SDC2: variants seen among roughly 807,000 people sequenced by gnomAD.
The protein encoded by SDC2 is syndecan-2.
In SDC2, 13 loss-of-function variants were observed where a neutral mutation model predicts 22.2. The observed-to-expected ratio is 0.59, with a 90% CI of 0.38 to 0.93. The LOEUF is 0.93. Among genes scored for constraint, SDC2 ranks in the 40% least tolerant of loss-of-function variants. The pLI, the probability that SDC2 is intolerant of heterozygous loss-of-function variation, is 0.00. For synonymous variants in SDC2, 94 were observed against 92.8 expected (o/e 1.01, Z -0.07); for missense variants, 235 against 246.8 (o/e 0.95, Z 0.32).
intron 1 of SDC2, among the ~76,000 whole-genome samples, chr8:96,564,231 C>T (rs918475815): frequency 6.6e-6 from 1 of 152,138 alleles, no homozygotes; most frequent in African/African-American, 2.4e-5. Flanking sequence ...AATTGTCAAC[C>T]ACCTGTATCA....
chr8:96,564,076 A>ATAG (rs1394103304), intron 1 of SDC2, among the ~76,000 whole-genome samples: 1 of 152,108 alleles, frequency 6.6e-6, no homozygotes, highest in Non-Finnish European at 1.5e-5. Context: ...AGGCCTAGGC[A>ATAG]TTGTCTTGCA....
chr8:96,603,006 C>G (rs939388517), intron 3 of SDC2, among the ~76,000 whole-genome samples: 5 of 152,124 alleles, frequency 3.3e-5, no homozygotes, highest in Non-Finnish European at 7.3e-5. Flanking sequence ...TGACCTCTCT[C>G]GATGATGATG....
intron 1 of SDC2, among the ~76,000 whole-genome samples, chr8:96,545,722 G>A (rs1470509401): frequency 1.3e-5 from 2 of 152,056 alleles, no homozygotes; most frequent in Non-Finnish European, 2.9e-5. Flanking sequence ...CCCTGAAATT[G>A]CTTGTTTGGG....
At chr8:96,574,654 G>T (rs1413820520) in intron 1 of SDC2, among the ~76,000 whole-genome samples, 1 of 152,176 alleles carries the variant, frequency 6.6e-6, no homozygotes, top group African/African-American at 2.4e-5. Flanking sequence ...AATTACACCT[G>T]TTCACAGTCA....
intron 1 of SDC2, among the ~76,000 whole-genome samples, chr8:96,583,746 A>G (rs1363907419): frequency 6.6e-6 from 1 of 151,472 alleles, no homozygotes; most frequent in Non-Finnish European, 1.5e-5. Context: ...ATTGCAATAT[A>G]GTTGTAATAT....
intron 3 of SDC2, among the ~76,000 whole-genome samples, chr8:96,605,569 G>A (rs1166967402): frequency 1.3e-5 from 2 of 152,322 alleles, no homozygotes; most frequent in East Asian, 3.9e-4. Flanking sequence ...TTCTCTCATA[G>A]TAATAGAAAG....
At chr8:96,583,059 ATTTTT>A (rs60193555) in intron 1 of SDC2, among the ~76,000 whole-genome samples, 3 of 107,240 alleles carry the variant, frequency 2.8e-5, no homozygotes, top group South Asian at 3.1e-4. Context: ...CTGAAGTGTG[ATTTTT>A]TTTTTTTTTT....
chr8:96,537,258 G>A (rs2130501966), intron 1 of SDC2: 1 of 152,218 alleles, frequency 6.6e-6, no homozygotes, highest in South Asian at 2.1e-4. Context: ...AATGAAAGAT[G>A]GCTAGTGGTT....
At chr8:96,570,146 A>C (rs1216070599) in intron 1 of SDC2, among the ~76,000 whole-genome samples, 1 of 152,206 alleles carries the variant, frequency 6.6e-6, no homozygotes, top group Non-Finnish European at 1.5e-5. Flanking sequence ...TTTATAGATG[A>C]TGAGCCTGAG....
chr8:96,542,854 G>C (rs537222004), intron 1 of SDC2, among the ~76,000 whole-genome samples: 60 of 152,234 alleles, frequency 3.9e-4, no homozygotes, highest in African/African-American at 1.3e-3. Context: ...ATACCTATTT[G>C]CCTGGATTAA....
intron 2 of SDC2, among the ~76,000 whole-genome samples, chr8:96,598,332 G>T (rs1814916177): frequency 6.6e-6 from 1 of 152,150 alleles, no homozygotes; most frequent in Non-Finnish European, 1.5e-5. Flanking sequence ...TTTTAAAAAA[G>T]AAAATAAGGC....
At chr8:96,507,727 A>C (rs1345648693) in intron 1 of SDC2, among the ~76,000 whole-genome samples, 1 of 152,226 alleles carries the variant, frequency 6.6e-6, no homozygotes, top group Non-Finnish European at 1.5e-5. Flanking sequence ...GAAAACGAAC[A>C]TTCCTTGGAT....
chr8:96,504,156 T>A (rs1252700723), intron 1 of SDC2, among the ~76,000 whole-genome samples: 2 of 152,180 alleles, frequency 1.3e-5, no homozygotes, highest in Non-Finnish European at 2.9e-5. Context: ...GGTTCCCAAA[T>A]TCTGGTTAAC....
intron 1 of SDC2, among the ~76,000 whole-genome samples, chr8:96,553,571 T>C (rs1469155372): frequency 6.6e-6 from 1 of 152,066 alleles, no homozygotes; most frequent in African/African-American, 2.4e-5. Flanking sequence ...CAACACTAGT[T>C]TGAGAGCCAT....
At chr8:96,540,340 G>GTATATATATATATATATA (rs1554601718) in intron 1 of SDC2, among the ~76,000 whole-genome samples, 5,273 of 123,390 alleles carry the variant, frequency 0.043, 153 homozygotes, top group East Asian at 0.084. Flanking sequence ...ATATATATGT[G>GTATATATATATATATATA]TATATATATA....
At chr8:96,540,340 G>GTGTATATA (rs4058341) in intron 1 of SDC2, among the ~76,000 whole-genome samples, 2 of 123,668 alleles carry the variant, frequency 1.6e-5, no homozygotes, top group East Asian at 3.1e-4. Flanking sequence ...ATATATATGT[G>GTGTATATA]TATATATATA....
At chr8:96,499,164 C>T (rs913765606) in intron 1 of SDC2, among the ~76,000 whole-genome samples, 9 of 152,232 alleles carry the variant, frequency 5.9e-5, no homozygotes, top group Non-Finnish European at 8.8e-5. Context: ...GCTACTTTTT[C>T]AGTGTTTCTC....
intron 2 of SDC2, among the ~76,000 whole-genome samples, chr8:96,597,528 TGTAAC>T (rs550330466): frequency 8.5e-5 from 13 of 152,262 alleles, no homozygotes; most frequent in Middle Eastern, 3.4e-3. Flanking sequence ...AGGAAAAACT[TGTAAC>T]ATGAGAGAAA....
chr8:96,551,699 A>T (rs1814030555), intron 1 of SDC2, among the ~76,000 whole-genome samples: 1 of 152,178 alleles, frequency 6.6e-6, no homozygotes, highest in South Asian at 2.1e-4. Context: ...TTAATCATTT[A>T]TGAGAGTAGG....
Sources: gnomAD v4.1 joint callset for allele counts (sites outside exome capture counted in the v4.1 genomes callset) on GRCh38, gnomAD v4.1.1 for gene constraint, MANE v1.5 for transcripts, NCBI Gene and HGNC (gene_info 2026-07-23, HGNC 2026-07-21) for gene names.